Variants in CNTNAP2 observed in about 807,000 individuals in gnomAD.
The protein encoded by CNTNAP2 is contactin associated protein 2.
CNTNAP2 carries 98 observed loss-of-function variants against 155.2 expected under a neutral mutation model. The ratio of observed to expected loss-of-function variants is 0.63; its 90% CI spans 0.54 to 0.75. CNTNAP2 has a LOEUF of 0.75. Ranked by LOEUF, CNTNAP2 falls within the 30% of genes least tolerant of loss-of-function variation. The pLI is 0.00. For missense variants in CNTNAP2, 1,727 were observed against 1,688.1 expected, an observed-to-expected ratio of 1.02 and a Z score of -0.40; for synonymous variants, 651 against 631.2, an observed-to-expected ratio of 1.03 and a Z score of -0.47.
rs146478483 is a variant in CNTNAP2, at chr7:147,297,372, T to C, written c.1349-2769T>C. Among the ~76,000 whole-genome samples, 82 of 152,134 alleles carry C rather than the reference T, an allele frequency of 5.4e-4. 1 individual carries two copies. In the East Asian group the frequency reaches 0.015, roughly 27 times the overall value. On this transcript the variant is annotated intron_variant, in intron 8 of 23. Transcript: ENST00000361727. ...AGACAAAAGAGAGCTTATAATCAAG[T>C]GATAGAAGACAGAAAATTAGTAAGT...
At chr7:146,265,364 T>G (rs1799978475) in intron 1 of CNTNAP2, among the ~76,000 whole-genome samples, 1 of 152,186 alleles carries the variant, frequency 6.6e-6, no homozygotes, top group South Asian at 2.1e-4. Flanking sequence ...AATCCACAAT[T>G]TATGTCAACA....
At chr7:147,175,206 G>T (rs1802313466) in intron 8 of CNTNAP2, among the ~76,000 whole-genome samples, 1 of 151,970 alleles carries the variant, frequency 6.6e-6, no homozygotes, top group Non-Finnish European at 1.5e-5. Flanking sequence ...AATCTTCCAA[G>T]ATTAAGGATT....
chr7:146,940,333 A>G (rs747372440), intron 3 of CNTNAP2, among the ~76,000 whole-genome samples: 1 of 151,950 alleles, frequency 6.6e-6, no homozygotes, highest in African/African-American at 2.4e-5. Context: ...AGTAGCTGGG[A>G]TTACAGTCGC....
chr7:146,942,960 T>C (rs1475770951), intron 3 of CNTNAP2, among the ~76,000 whole-genome samples: 1 of 152,090 alleles, frequency 6.6e-6, no homozygotes, highest in African/African-American at 2.4e-5. Context: ...ACAGTAAAAA[T>C]TTAGAAATAG....
At chr7:147,641,189 T>A (rs1458768075) in intron 13 of CNTNAP2, among the ~76,000 whole-genome samples, 2 of 144,628 alleles carry the variant, frequency 1.4e-5, no homozygotes. Context: ...AGACCCCTTT[T>A]CCCCTCTATG....
intron 1 of CNTNAP2, among the ~76,000 whole-genome samples, chr7:146,355,263 G>A (rs1027680406): frequency 5.3e-5 from 8 of 152,130 alleles, no homozygotes; most frequent in Admixed American, 2.6e-4. Context: ...GCCATAGCCA[G>A]TACATAAAAA....
At chr7:147,063,587 T>A (rs1307072479) in intron 4 of CNTNAP2, among the ~76,000 whole-genome samples, 1 of 152,068 alleles carries the variant, frequency 6.6e-6, no homozygotes. Flanking sequence ...AAGTAAAGAA[T>A]GTCTACACTT....
intron 9 of CNTNAP2, among the ~76,000 whole-genome samples, chr7:147,390,872 T>G (rs1185977079): frequency 2.0e-5 from 3 of 152,020 alleles, no homozygotes; most frequent in Non-Finnish European, 4.4e-5. Flanking sequence ...ATTGCCGGTG[T>G]TCACCCTACA....
intron 19 of CNTNAP2, among the ~76,000 whole-genome samples, chr7:148,222,795 G>A (rs1337127575): frequency 6.6e-6 from 1 of 152,152 alleles, no homozygotes; most frequent in African/African-American, 2.4e-5. Flanking sequence ...ACTCCTCAGT[G>A]CCACAAACTT....
In CNTNAP2 at chr7:146,819,709, A is replaced by AT. The variant is rs566936560; in HGVS notation, c.209-19998dup. ...AGTTAAGACTAAAACACAGCTCCTA[A>AT]TTTTCATCCCCAAATCTCTTTCTCT... On this transcript the variant is annotated intron_variant, in intron 2 of 23. Coordinates refer to ENST00000361727, the MANE Select transcript of CNTNAP2 (RefSeq NM_014141.6). 5.9e-4 allele frequency among the ~76,000 whole-genome samples: 89 copies of AT among 152,120 alleles called. No individual in the cohort carries two copies. In the South Asian group the frequency reaches 0.018, roughly 30 times the overall value.
intron 9 of CNTNAP2, among the ~76,000 whole-genome samples, chr7:147,339,438 A>G (rs572901825): frequency 2.5e-4 from 38 of 152,122 alleles, no homozygotes; most frequent in African/African-American, 8.9e-4. Flanking sequence ...TCTGCTTTCC[A>G]CCATGAGTGG....
chr7:147,653,335 T>A (rs1186833420), intron 13 of CNTNAP2, among the ~76,000 whole-genome samples: 1 of 152,176 alleles, frequency 6.6e-6, no homozygotes, highest in Non-Finnish European at 1.5e-5. Flanking sequence ...CATTCTTACC[T>A]TATAAATTTG....
At chr7:148,074,491 G>C (rs948327685) in intron 15 of CNTNAP2, among the ~76,000 whole-genome samples, 12 of 129,772 alleles carry the variant, frequency 9.2e-5, no homozygotes, top group Non-Finnish European at 1.8e-4. Context: ...AGGAGTTCAA[G>C]ACCAGCCTGG....
At chr7:148,016,888 G>A (rs12667149) in intron 15 of CNTNAP2, among the ~76,000 whole-genome samples, 52,476 of 151,980 alleles carry the variant, frequency 0.35, 9,837 homozygotes, top group East Asian at 0.74. Flanking sequence ...CTGTCAAATT[G>A]TTCAGCTTTC....
At chr7:148,164,987 A>G in intron 17 of CNTNAP2, among the ~76,000 whole-genome samples, 1 of 151,964 alleles carries the variant, frequency 6.6e-6, no homozygotes, top group East Asian at 1.9e-4. Flanking sequence ...CAGTGAGAAG[A>G]GGGACCCCAA....
intron 1 of CNTNAP2, among the ~76,000 whole-genome samples, chr7:146,773,972 G>A (rs527548019): frequency 1.3e-5 from 2 of 152,242 alleles, no homozygotes; most frequent in East Asian, 3.9e-4. Context: ...AGATACCAAA[G>A]CTTATTACAG....
At chr7:147,951,945 T>TA (rs902077038) in intron 14 of CNTNAP2, among the ~76,000 whole-genome samples, 49 of 149,124 alleles carry the variant, frequency 3.3e-4, no homozygotes, top group African/African-American at 9.6e-4. Flanking sequence ...ATTAATTAAA[T>TA]AAAAAAAAAT....
At chr7:147,951,950 A>AAAAATG (rs1164385099) in intron 14 of CNTNAP2, among the ~76,000 whole-genome samples, 1 of 151,988 alleles carries the variant, frequency 6.6e-6, no homozygotes, top group African/African-American at 2.4e-5. Flanking sequence ...TTAAATAAAA[A>AAAAATG]AAAATGAAAA....
intron 13 of CNTNAP2, among the ~76,000 whole-genome samples, chr7:147,732,520 A>G (rs1440110959): frequency 6.6e-6 from 1 of 152,142 alleles, no homozygotes; most frequent in Admixed American, 6.5e-5. Flanking sequence ...TCTTTATAGC[A>G]GCATGATTTA....
Sources: allele counts gnomAD v4.1 joint callset (sites outside exome capture counted in the v4.1 genomes callset), GRCh38; gene constraint gnomAD v4.1.1; transcripts MANE v1.5; gene names NCBI Gene and HGNC (gene_info 2026-07-23, HGNC 2026-07-21).